Variants in OR52A1 observed in about 807,000 individuals in gnomAD.
OR52A1 encodes the protein olfactory receptor family 52 subfamily A member 1.
OR52A1 carries 14 observed loss-of-function variants against 14.3 expected under a neutral mutation model. The observed-to-expected ratio is 0.98, with a 90% CI of 0.65 to 1.54. OR52A1 has a LOEUF of 1.54. Among genes scored for constraint, OR52A1 ranks in the 40% most tolerant of loss-of-function variants. The probability of loss-of-function intolerance (pLI) is 0.00; values close to 1 mark genes in which losing one functional copy is unlikely to be tolerated. For synonymous variants in OR52A1, 151 were observed against 135.3 expected, an observed-to-expected ratio of 1.12 and a Z score of -0.80; for missense variants, 405 against 381.3, an observed-to-expected ratio of 1.06 and a Z score of -0.52.
At position 5,152,069 on chromosome 11, in the gene OR52A1, G is replaced by A. The variant is rs377465587; in HGVS notation, c.301C>T (p.Leu101Phe). The part of the protein sequence containing the change: ...VPEIYFDSCL[L>F]QMWFIHTLQG... ...AATGTGTGGATGAACCACATTTGAAGCAAGCAGGAATCAAAATAGATTTCA... is the reference window on the plus strand; with the variant it reads ...AATGTGTGGATGAACCACATTTGAAACAAGCAGGAATCAAAATAGATTTCA... The change falls in exon 2 of 2, where the codon CTT (leucine) becomes TTT (phenylalanine). Residue 101 changes from leucine to phenylalanine, a missense_variant. Physicochemically the swap from Leu to Phe is conservative, Grantham distance 22. Transcript: ENST00000380367. 3 of 1,613,882 alleles carry A rather than the reference G, an allele frequency of 1.9e-6. No individual in the cohort carries two copies. Among genetic ancestry groups the A allele is most frequent in the Non-Finnish European group, 2.5e-6 (3 of 1,179,936 alleles).
chr11:5,151,829 A>G lies in OR52A1; in HGVS notation c.541T>C (p.Tyr181His). 6.2e-7 allele frequency: 1 copy of G among 1,614,178 alleles called. No homozygotes were observed. Among genetic ancestry groups the G allele is most frequent in the South Asian group, 1.1e-5 (1 of 91,084 alleles). The change falls in exon 2 of 2, where the codon TAC becomes CAC. Residue 181 changes from tyrosine to histidine, a missense_variant. Coordinates refer to ENST00000380367, the MANE Select transcript of OR52A1 (RefSeq NM_012375.3). Reference sequence around the variant, plus strand: ...TTCACAATGGCCATATGCTCACAGTAGGAGTGGGAGATGACTGTTGTGTGA... The same window carrying G: ...TTCACAATGGCCATATGCTCACAGTGGGAGTGGGAGATGACTGTTGTGTGA... ...FYHTTVISHS[Y>H]CEHMAIVKLA... is the part of the protein sequence containing the mutation.
In OR52A1 at chr11:5,154,564, CTGTT is replaced by C. The variant is rs888157761; in HGVS notation, c.-443_-440del. 5 of 152,178 alleles carry C rather than the reference CTGTT, an allele frequency of 3.3e-5. No individual in the cohort carries two copies. Among genetic ancestry groups the C allele is most frequent in the Admixed American group, 6.5e-5 (1 of 15,276 alleles). The allele number at this position is 152,178 out of a possible 1,614,324, so 9.4% of individuals were successfully genotyped here. ...TCCAGCTAATGTCATAAATTTTACT[CTGTT>C]TGGTGCCAGGATATGTGCCAATATA... On this transcript the variant is annotated 5_prime_UTR_variant, in exon 1 of 2. It introduces an in-frame stop codon into an upstream open reading frame of the 5' UTR. Coordinates refer to ENST00000380367, the MANE Select transcript of OR52A1 (RefSeq NM_012375.3).
chr11:5,152,472 GTCTGATTTGGGTATAACTCTA>G lies in OR52A1; in HGVS notation c.-124_-104del. Reference sequence around the variant, plus strand: ...TCTCCAAACTCATTATATTGAGTCTGTCTGATTTGGGTATAACTCTAAAATCATCCATCTTATTCACAGTTT... The same window carrying G: ...TCTCCAAACTCATTATATTGAGTCTGAAATCATCCATCTTATTCACAGTTT... On this transcript the variant is annotated 5_prime_UTR_variant, in exon 2 of 2. Coordinates refer to ENST00000380367, the MANE Select transcript of OR52A1 (RefSeq NM_012375.3). The G allele has an allele frequency of 1.3e-6, 1 of 785,328 alleles. No individual in the cohort carries two copies. Among genetic ancestry groups the G allele is most frequent in the Non-Finnish European group, 2.0e-6 (1 of 492,472 alleles). 48.6% of individuals were successfully genotyped at this position (785,328 alleles called of 1,614,324 possible). A position where few individuals can be genotyped will look rare whatever the true frequency, so the allele number is the denominator to read the frequency against.
rs1470788784 is a variant in OR52A1 at position 5,148,671 on chromosome 11, G to A, written c.*2760C>T. 3 of 151,834 alleles carry A rather than the reference G, an allele frequency of 2.0e-5. No individual in the cohort carries two copies. 9.4% of individuals were successfully genotyped at this position (151,834 alleles called of 1,614,324 possible). On this transcript the variant is annotated 3_prime_UTR_variant, in exon 2 of 2. Coordinates refer to ENST00000380367, the MANE Select transcript of OR52A1 (RefSeq NM_012375.3). ...GCCAATAGCCTATTGGAAATCCTCT[G>A]GTAAAGTCCTGAGCAATAAAGCCCT... is the stretch of plus-strand genomic sequence containing the variant.
Position 5,148,211 on chromosome 11 carries a change from G to A in OR52A1, c.*3220C>T, listed in dbSNP as rs936393199. On this transcript the variant is annotated 3_prime_UTR_variant, in exon 2 of 2. Coordinates refer to ENST00000380367, the MANE Select transcript of OR52A1 (RefSeq NM_012375.3). ...ATGAAGGGCTGCAAAAAGCTAGAAGGTTCAGTTCCTGAAATCTTTTTTTTT... is the reference window on the plus strand; with the variant it reads ...ATGAAGGGCTGCAAAAAGCTAGAAGATTCAGTTCCTGAAATCTTTTTTTTT... The A allele has an allele frequency of 6.3e-5, 9 of 142,810 alleles. No individual in the cohort carries two copies. Among genetic ancestry groups the A allele is most frequent in the African/African-American group, 2.3e-4 (9 of 38,672 alleles). 8.8% of individuals were successfully genotyped at this position (142,810 alleles called of 1,614,324 possible). A position where few individuals can be genotyped will look rare whatever the true frequency, so the allele number is the denominator to read the frequency against.
Position 5,150,610 on chromosome 11 carries a change from T to A in OR52A1, c.*821A>T, listed in dbSNP as rs1846529586. 6.6e-6 allele frequency: 1 copy of A among 152,190 alleles called. No individual in the cohort carries two copies. Among genetic ancestry groups the A allele is most frequent in the Admixed American group, 6.5e-5 (1 of 15,284 alleles). 9.4% of individuals were successfully genotyped at this position (152,190 alleles called of 1,614,324 possible). A position where few individuals can be genotyped will look rare whatever the true frequency, so the allele number is the denominator to read the frequency against. Reference sequence around the variant, plus strand: ...TTTCAATGCTTCATTCTCTCTGAACTCCACATCCTATGTGTACACTTGTTA... The same window carrying A: ...TTTCAATGCTTCATTCTCTCTGAACACCACATCCTATGTGTACACTTGTTA... On this transcript the variant is annotated 3_prime_UTR_variant, in exon 2 of 2. Transcript: ENST00000380367.
In OR52A1 at chr11:5,150,016, T is replaced by TG. The variant is rs1846522988; in HGVS notation, c.*1414dup. The TG allele has an allele frequency of 6.6e-6, 1 of 152,160 alleles. No individual in the cohort carries two copies. Among genetic ancestry groups the TG allele is most frequent in the African/African-American group, 2.4e-5 (1 of 41,448 alleles). 9.4% of individuals were successfully genotyped at this position (152,160 alleles called of 1,614,324 possible). A position where few individuals can be genotyped will look rare whatever the true frequency, so the allele number is the denominator to read the frequency against. On this transcript the variant is annotated 3_prime_UTR_variant, in exon 2 of 2. Transcript: ENST00000380367. ...GGTTTTAATCTGGTAAATCAAAGTA[T>TG]GGACATCTGCCCATATGTGAATATT...
rs539677920 is a variant in OR52A1 at position 5,154,020 on chromosome 11, T to A, written c.-322+427A>T. 9.2e-5 allele frequency among the ~76,000 whole-genome samples: 14 copies of A among 152,262 alleles called. No homozygotes were observed. In the East Asian group the frequency reaches 2.5e-3, roughly 27 times the overall value. On this transcript the variant is annotated intron_variant, in intron 1 of 1. Coordinates refer to ENST00000380367, the MANE Select transcript of OR52A1 (RefSeq NM_012375.3). Reference sequence around the variant, plus strand: ...CAGCTAACATACATTTACCGTAAACTAGTAGGTCAATTAAATACTTTGATT... The same window carrying A: ...CAGCTAACATACATTTACCGTAAACAAGTAGGTCAATTAAATACTTTGATT...
chr11:5,152,914 A>C (rs1846566086), intron 1 of OR52A1, among the ~76,000 whole-genome samples: 1 of 152,214 alleles, frequency 6.6e-6, no homozygotes, highest in Non-Finnish European at 1.5e-5. Context: ...TTGACACCCA[A>C]GAACATAATA....
chr11:5,151,361 T>C lies in OR52A1; in HGVS notation c.*70A>G, dbSNP rs1846537201. On this transcript the variant is annotated 3_prime_UTR_variant, in exon 2 of 2. Transcript: ENST00000380367. ...AAACCCAGCATCTCAAATAATATGT[T>C]TTTTGTTTTGTTTTGATATGGTTAC... 2.3e-6 allele frequency: 3 copies of C among 1,288,982 alleles called. No homozygotes were observed. The South Asian group carries it at 4.4e-5, about 19-fold the overall frequency. 79.8% of individuals were successfully genotyped at this position (1,288,982 alleles called of 1,614,324 possible).
intron 1 of OR52A1, among the ~76,000 whole-genome samples, chr11:5,153,795 G>A (rs1019336546): frequency 1.4e-5 from 2 of 144,986 alleles, no homozygotes; most frequent in African/African-American, 5.1e-5. Context: ...TCAGGAAGTA[G>A]CTGTTCTTTG....
rs113802129 is a variant in OR52A1, at chr11:5,153,362, T to C, written c.-321-672A>G. ...ATATAGGTGAGATGCTTATATAATTTTGTGAGCTCTGACATAAGAAATTAG... is the reference window on the plus strand; with the variant it reads ...ATATAGGTGAGATGCTTATATAATTCTGTGAGCTCTGACATAAGAAATTAG... On this transcript the variant is annotated intron_variant, in intron 1 of 1. Coordinates refer to ENST00000380367, the MANE Select transcript of OR52A1 (RefSeq NM_012375.3). 3.3e-3 allele frequency among the ~76,000 whole-genome samples: 509 copies of C among 152,322 alleles called. 3 individuals carry two copies. The highest frequency in any genetic ancestry group is 0.011 in the African/African-American group (476 of 41,576).
Position 5,150,995 on chromosome 11 carries a change from T to C in OR52A1, c.*436A>G, listed in dbSNP as rs1432614134. The C allele has an allele frequency of 2.0e-5, 3 of 153,622 alleles. No individual in the cohort carries two copies. Among genetic ancestry groups the C allele is most frequent in the African/African-American group, 7.2e-5 (3 of 41,458 alleles). The allele number at this position is 153,622 out of a possible 1,614,324, so 9.5% of individuals were successfully genotyped here. ...AGATTTTCTTTGACAAGAACACAGT[T>C]AACATGTACTTCCTTTGATTTTTTT... is the stretch of plus-strand genomic sequence containing the variant. On this transcript the variant is annotated 3_prime_UTR_variant, in exon 2 of 2. Coordinates refer to ENST00000380367, the MANE Select transcript of OR52A1 (RefSeq NM_012375.3).
rs1381362008 is a variant in OR52A1 at position 5,148,152 on chromosome 11, G to A, written c.*3279C>T. On this transcript the variant is annotated 3_prime_UTR_variant, in exon 2 of 2. Transcript: ENST00000380367. Reference sequence around the variant, plus strand: ...CAAGAAGGGTGGAAATGAGCCAAATGTTGTAAGTTATTTTTCCCAAATTGA... The same window carrying A: ...CAAGAAGGGTGGAAATGAGCCAAATATTGTAAGTTATTTTTCCCAAATTGA... 6.6e-6 allele frequency: 1 copy of A among 151,880 alleles called. No individual in the cohort carries two copies. The highest frequency in any genetic ancestry group is 1.9e-4 in the East Asian group (1 of 5,176). 9.4% of individuals were successfully genotyped at this position (151,880 alleles called of 1,614,324 possible). A position where few individuals can be genotyped will look rare whatever the true frequency, so the allele number is the denominator to read the frequency against.
Position 5,151,376 on chromosome 11 carries a change from G to T in OR52A1, c.*55C>A. The T allele has an allele frequency of 1.4e-6, 2 of 1,385,010 alleles. No homozygotes were observed. The highest frequency in any genetic ancestry group is 2.2e-5 in the Admixed American group (1 of 45,706). 85.8% of individuals were successfully genotyped at this position (1,385,010 alleles called of 1,614,324 possible). On this transcript the variant is annotated 3_prime_UTR_variant, in exon 2 of 2. Transcript: ENST00000380367. Reference sequence around the variant, plus strand: ...AATAATATGTTTTTTGTTTTGTTTTGATATGGTTACTACTGCAAAAGAAAA... The same window carrying T: ...AATAATATGTTTTTTGTTTTGTTTTTATATGGTTACTACTGCAAAAGAAAA...
At chr11:5,154,116 G>C (rs1208851781) in intron 1 of OR52A1, among the ~76,000 whole-genome samples, 2 of 152,156 alleles carry the variant, frequency 1.3e-5, no homozygotes, top group East Asian at 1.9e-4. Context: ...TTTTCTAATA[G>C]GGGCAAATTT....
At position 5,152,164 on chromosome 11, in the gene OR52A1, C is replaced by T. The variant is rs267602940; in HGVS notation, c.206G>A (p.Gly69Glu). 1 of 1,614,012 alleles carries T rather than the reference C, an allele frequency of 6.2e-7. No homozygotes were observed. Among genetic ancestry groups the T allele is most frequent in the Non-Finnish European group, 8.5e-7 (1 of 1,179,932 alleles). The change falls in exon 2 of 2, where the codon GGA becomes GAA. Residue 69 changes from glycine to glutamate, a missense_variant. Transcript: ENST00000380367. ...EPLYIFLGML[G>E]ATDIALASSI... ...GCTAGCAAGTGCAATGTCTGTGGCTCCTAGCATGCCTAAGAAAATGTACAA... is the reference window on the plus strand; with the variant it reads ...GCTAGCAAGTGCAATGTCTGTGGCTTCTAGCATGCCTAAGAAAATGTACAA...
rs1564852683 is a variant in OR52A1, at chr11:5,150,613, A to G, written c.*818T>C. On this transcript the variant is annotated 3_prime_UTR_variant, in exon 2 of 2. Transcript: ENST00000380367. ...CAATGCTTCATTCTCTCTGAACTCCACATCCTATGTGTACACTTGTTATTT... is the reference window on the plus strand; with the variant it reads ...CAATGCTTCATTCTCTCTGAACTCCGCATCCTATGTGTACACTTGTTATTT... The G allele has an allele frequency of 6.6e-6, 1 of 152,100 alleles. No homozygotes were observed. The highest frequency in any genetic ancestry group is 1.5e-5 in the Non-Finnish European group (1 of 68,016). 9.4% of individuals were successfully genotyped at this position (152,100 alleles called of 1,614,324 possible).
At chr11:5,154,173 G>A (rs914682174) in intron 1 of OR52A1, among the ~76,000 whole-genome samples, 1 of 152,050 alleles carries the variant, frequency 6.6e-6, no homozygotes, top group Non-Finnish European at 1.5e-5. Flanking sequence ...TCCTTTAATG[G>A]CAATCACAAT....
Sources: allele counts gnomAD v4.1 joint callset (sites outside exome capture counted in the v4.1 genomes callset), GRCh38; gene constraint gnomAD v4.1.1; transcripts MANE v1.5; gene names NCBI Gene and HGNC (gene_info 2026-07-23, HGNC 2026-07-21).